Variants in CTNNA3 observed in about 807,000 individuals in gnomAD.
CTNNA3 encodes the protein catenin alpha-3.
Under a neutral mutation model 95.7 loss-of-function variants are expected in CTNNA3, and 76 were observed. That is an observed-to-expected ratio of 0.79 (90% CI 0.66 to 0.96). The LOEUF is 0.96. Ranked by LOEUF, CTNNA3 falls within the 40% of genes least tolerant of loss-of-function variation. The pLI is 0.00. For missense variants in CTNNA3, 1,191 were observed against 1,089.8 expected (o/e 1.09, Z -1.31); for synonymous variants, 431 against 374.4 (o/e 1.15, Z -1.74).
intron 11 of CTNNA3, among the ~76,000 whole-genome samples, chr10:66,516,665 G>T (rs1840869996): frequency 6.6e-6 from 1 of 152,126 alleles, no homozygotes; most frequent in Non-Finnish European, 1.5e-5. Flanking sequence ...TCACTTATCA[G>T]CACCCTCTAA....
In CTNNA3 at chr10:67,219,767, T is replaced by C. The variant is rs748395076; in HGVS notation, c.683A>G (p.His228Arg). Reference sequence around the variant, plus strand: ...TGCTTTGAGGGAAGCAACATCAGAATGCTCCAAACAAGCTGAACAAATTGA... The same window carrying C: ...TGCTTTGAGGGAAGCAACATCAGAACGCTCCAAACAAGCTGAACAAATTGA... Reference protein sequence around the residue: ...LHSICSACLEHSDVASLKASK... With the variant: ...LHSICSACLERSDVASLKASK... The change falls in exon 6 of 18, where the codon CAT becomes CGT. Residue 228 changes from histidine (H) to arginine (R), a missense_variant. Physicochemically the swap from His to Arg is conservative, Grantham distance 29. Transcript: ENST00000433211. 2 of 1,613,998 alleles carry C rather than the reference T, an allele frequency of 1.2e-6. No individual in the cohort carries two copies. The highest frequency in any genetic ancestry group is 2.2e-5 in the East Asian group (1 of 44,878).
chr10:67,545,110 G>A (rs909831440), intron 3 of CTNNA3, among the ~76,000 whole-genome samples: 19 of 152,194 alleles, frequency 1.2e-4, no homozygotes, highest in African/African-American at 3.9e-4. Flanking sequence ...TAGGGTACAC[G>A]TGCACAACGT....
At chr10:66,621,603 AAG>A in intron 10 of CTNNA3, 87 bp downstream of exon 10, 4 of 769,898 alleles carry the variant, frequency 5.2e-6, no homozygotes, top group African/African-American at 1.8e-5. Context: ...AAAAAAAAAA[AAG>A]AAAAAAAAAT....
At chr10:66,725,686 T>C (rs573268063) in intron 9 of CTNNA3, among the ~76,000 whole-genome samples, 15 of 152,216 alleles carry the variant, frequency 9.9e-5, no homozygotes, top group African/African-American at 3.1e-4. Flanking sequence ...GATTCAAATA[T>C]GTTTGAGCTA....
At chr10:66,698,839 C>T (rs1420470181) in intron 9 of CTNNA3, among the ~76,000 whole-genome samples, 2 of 152,054 alleles carry the variant, frequency 1.3e-5, no homozygotes, top group South Asian at 2.1e-4. Flanking sequence ...ATCCAAGAAA[C>T]TCATCAAGAT....
chr10:67,660,912 C>T (rs768920782), intron 1 of CTNNA3, among the ~76,000 whole-genome samples: 2 of 138,434 alleles, frequency 1.4e-5, no homozygotes, highest in African/African-American at 2.9e-5. Flanking sequence ...GCCTGGGCGA[C>T]AGAGCAAGAC....
chr10:67,602,587 T>A (rs1009031439), intron 3 of CTNNA3, among the ~76,000 whole-genome samples: 2 of 152,236 alleles, frequency 1.3e-5, no homozygotes, highest in Non-Finnish European at 2.9e-5. Context: ...GGATATACCC[T>A]GTACAGCATA....
intron 9 of CTNNA3, among the ~76,000 whole-genome samples, chr10:66,683,228 G>A (rs1847129438): frequency 6.6e-6 from 1 of 152,092 alleles, no homozygotes; most frequent in Admixed American, 6.6e-5. Flanking sequence ...AGATTGTGGT[G>A]GACTAGAAAT....
chr10:67,629,441 G>A (rs747388675), intron 2 of CTNNA3, among the ~76,000 whole-genome samples: 23 of 152,152 alleles, frequency 1.5e-4, no homozygotes, highest in Non-Finnish European at 2.6e-4. Context: ...TGGAATACAC[G>A]GCAGATACGC....
chr10:67,248,840 C>T (rs1589083944), intron 5 of CTNNA3, among the ~76,000 whole-genome samples: 1 of 152,146 alleles, frequency 6.6e-6, no homozygotes, highest in Admixed American at 6.6e-5. Context: ...CCTATTTATG[C>T]CTAGTGTTCC....
At chr10:66,674,683 A>C (rs7909067) in intron 9 of CTNNA3, among the ~76,000 whole-genome samples, 84,084 of 151,844 alleles carry the variant, frequency 0.55, 24,018 homozygotes, top group African/African-American at 0.68. Context: ...TCCCAGCTTT[A>C]TCCCTATTCT....
chr10:67,686,173 T>C (rs1017794573), intron 1 of CTNNA3, among the ~76,000 whole-genome samples: 1 of 152,252 alleles, frequency 6.6e-6, no homozygotes. Context: ...ATACTTGCTA[T>C]CTGTATACAC....
At position 67,403,472 on chromosome 10, in the gene CTNNA3, A is replaced by T. The variant is rs539204292; in HGVS notation, c.579+118370T>A. On this transcript the variant is annotated intron_variant, in intron 5 of 17. Transcript: ENST00000433211. ...AGACTGCTTCTTTAAATAGAACCCCAATCCATTCCTCCTTGCTGGGCAGGT... is the reference window on the plus strand; with the variant it reads ...AGACTGCTTCTTTAAATAGAACCCCTATCCATTCCTCCTTGCTGGGCAGGT... 2.6e-5 allele frequency: 4 copies of T among 152,494 alleles called. No individual in the cohort carries two copies. In the East Asian group the frequency reaches 5.8e-4, roughly 22 times the overall value. The allele number at this position is 152,494 out of a possible 1,614,324, so 9.4% of individuals were successfully genotyped here.
intron 12 of CTNNA3, among the ~76,000 whole-genome samples, chr10:66,340,845 T>C (rs1018043089): frequency 2.0e-5 from 3 of 151,816 alleles, no homozygotes; most frequent in Non-Finnish European, 4.4e-5. Flanking sequence ...GTAACATTAT[T>C]TTTATTTTAG....
chr10:67,381,244 G>T (rs1265179341), intron 5 of CTNNA3, among the ~76,000 whole-genome samples: 1 of 152,128 alleles, frequency 6.6e-6, no homozygotes, highest in African/African-American at 2.4e-5. Flanking sequence ...TAACTTTTAG[G>T]TTTCAAAATG....
In CTNNA3 at chr10:66,551,896, C is replaced by CTT. The variant is rs141885331; in HGVS notation, c.1375-31125_1375-31124dup. Among the ~76,000 whole-genome samples, 760 of 113,940 alleles carry CTT rather than the reference C, an allele frequency of 6.7e-3. 13 individuals carry two copies. Among genetic ancestry groups the CTT allele is most frequent in the African/African-American group, 0.017 (534 of 31,038 alleles). The allele number at this position is 113,940 out of a possible 152,430, so 74.7% of individuals were successfully genotyped here. A position where few individuals can be genotyped will look rare whatever the true frequency, so the allele number is the denominator to read the frequency against. ...CGGGATTAGGGAATCTTTTCTTTTC[C>CTT]TTTTTTTTTTTTTTTTTTTTTTCTG... is the stretch of plus-strand genomic sequence containing the variant. On this transcript the variant is annotated intron_variant, in intron 10 of 17. Transcript: ENST00000433211.
chr10:66,156,636 G>T (rs2084522287), intron 13 of CTNNA3, among the ~76,000 whole-genome samples: 1 of 151,766 alleles, frequency 6.6e-6, no homozygotes, highest in Non-Finnish European at 1.5e-5. Flanking sequence ...AAAAAAAACA[G>T]TAGTGAACAT....
chr10:66,103,317 G>T (rs767315675), intron 13 of CTNNA3, 68 bp from the exon 14 acceptor site: 16 of 1,214,538 alleles, frequency 1.3e-5, no homozygotes, highest in Non-Finnish European at 1.9e-5. Flanking sequence ...AAACAACGCG[G>T]CAGTACCTTA....
chr10:67,378,933 A>T (rs1236073560), intron 5 of CTNNA3, among the ~76,000 whole-genome samples: 1 of 152,212 alleles, frequency 6.6e-6, no homozygotes, highest in East Asian at 1.9e-4. Context: ...TACATGTCAA[A>T]TAATGGGCAC....
Sources: gnomAD v4.1 joint callset for allele counts (sites outside exome capture counted in the v4.1 genomes callset) on GRCh38, gnomAD v4.1.1 for gene constraint, MANE v1.5 for transcripts, NCBI Gene and HGNC (gene_info 2026-07-23, HGNC 2026-07-21) for gene names.